TRIM52: variants seen among roughly 807,000 people sequenced by gnomAD.
The protein encoded by TRIM52 is tripartite motif containing 52.
TRIM52 carries 24 observed loss-of-function variants against 27.0 expected under a neutral mutation model. That is an observed-to-expected ratio of 0.89 (90% CI 0.64 to 1.25). The LOEUF (loss-of-function observed/expected upper bound fraction) is 1.25, where lower values mean the gene tolerates loss of function less well. TRIM52 is among the 50% of genes most tolerant of loss of function. The probability of loss-of-function intolerance (pLI) is 0.00; values close to 1 mark genes in which losing one functional copy is unlikely to be tolerated. For synonymous variants in TRIM52, 125 were observed against 126.5 expected, an observed-to-expected ratio of 0.99 and a Z score of 0.08; for missense variants, 351 against 354.7, an observed-to-expected ratio of 0.99 and a Z score of 0.08.
downstream of TRIM52, among the ~76,000 whole-genome samples, chr5:181,254,128 A>G (rs767873633): frequency 5.7e-5 from 8 of 140,098 alleles, no homozygotes; most frequent in Non-Finnish European, 1.2e-4. Context: ...GTCTCTACTA[A>G]AAATACAAAA....
chr5:181,249,324 G>C (rs56946380), downstream of TRIM52, among the ~76,000 whole-genome samples: 15,415 of 151,868 alleles, frequency 0.1, 1,680 homozygotes, highest in African/African-American at 0.27. Flanking sequence ...AAGACCTTAT[G>C]ACTAAGAGGT....
At position 181,256,817 on chromosome 5, in the gene TRIM52, C is replaced by T; in HGVS notation, c.856G>A (p.Gly286Arg). ...TSSVELSESV[G>R]Q The stretch of plus-strand genomic sequence containing the variant: ...CAGTGTTTGGCATGGTGTCACTGCC[C>T]AACACTTTCAGATAACTCAACTGAA... The change falls in exon 2 of 2, where the codon GGG becomes AGG. Residue 286 changes from glycine to arginine, a missense_variant. Coordinates refer to ENST00000688015, the MANE Select transcript of TRIM52 (RefSeq NM_001346048.2). 2.0e-6 allele frequency: 2 copies of T among 985,296 alleles called. No homozygotes were observed. The highest frequency in any genetic ancestry group is 2.4e-6 in the Non-Finnish European group (2 of 829,908). The allele number at this position is 985,296 out of a possible 1,614,324, so 61.0% of individuals were successfully genotyped here.
intron 1 of TRIM52, 140 bp downstream of exon 1, chr5:181,259,861 A>G (rs745934342): frequency 1.6e-5 from 24 of 1,537,336 alleles, no homozygotes; most frequent in Non-Finnish European, 1.8e-5. Flanking sequence ...ATCTCTCTCC[A>G]CCGTGTCTCC....
Position 181,260,970 on chromosome 5 carries a change from AG to A in TRIM52, c.-158del. 1 of 1,153,052 alleles carries A rather than the reference AG, an allele frequency of 8.7e-7. No homozygotes were observed. The highest frequency in any genetic ancestry group is 1.2e-6 in the Non-Finnish European group (1 of 845,328). The allele number at this position is 1,153,052 out of a possible 1,614,324, so 71.4% of individuals were successfully genotyped here. A position where few individuals can be genotyped will look rare whatever the true frequency, so the allele number is the denominator to read the frequency against. Reference sequence around the variant, plus strand: ...CAGGGGAGCTTTGACCCCCTCTCTCAGGGTGCGAACGCCCAGATCCAGACTC... The same window carrying A: ...CAGGGGAGCTTTGACCCCCTCTCTCAGGTGCGAACGCCCAGATCCAGACTC... On this transcript the variant is annotated 5_prime_UTR_variant, in exon 1 of 2. Transcript: ENST00000688015. This position sits in a 1 kb window ranked among gnomAD's most constrained non-coding sequence, Gnocchi z 4.4.
rs759203011 is a variant in TRIM52, at chr5:181,260,342, C to G, written c.472G>C (p.Asp158His). 1.2e-6 allele frequency: 2 copies of G among 1,614,100 alleles called. No individual in the cohort carries two copies. The highest frequency in any genetic ancestry group is 2.2e-5 in the South Asian group (2 of 91,060). The change falls in exon 1 of 2, where the codon GAT becomes CAT. Residue 158 changes from aspartate to histidine, a missense_variant. Transcript: ENST00000688015. The surrounding 1 kb of genome is among the most constrained non-coding windows in gnomAD (Gnocchi z 4.4). ...TACAGCTCTTCATCTTCGTCCTCAT[C>G]GTATGCTTCCAGTATTTCTTCTTCT... ...YREEEILEAY[D>H]EDEDEELYPD...
chr5:181,254,471 G>A (rs1759706245), downstream of TRIM52: 2 of 151,824 alleles, frequency 1.3e-5, no homozygotes, highest in South Asian at 2.1e-4. Context: ...CGCCTCCCGG[G>A]TTCAAGTGAT....
At chr5:181,259,773 A>T in intron 1 of TRIM52, 1 of 858,320 alleles carries the variant, frequency 1.2e-6, no homozygotes, top group Non-Finnish European at 1.7e-6. Flanking sequence ...CCGTCATATT[A>T]TCTGTTCAGC....
At position 181,255,253 on chromosome 5, in the gene TRIM52, T is replaced by G. The variant is rs1173992606; in HGVS notation, c.*1556A>C. On this transcript the variant is annotated 3_prime_UTR_variant, in exon 2 of 2. Transcript: ENST00000688015. ...GTGAAAGGTGCAAGAAAACACAAGCTGCTTTTAATAACACTCTTGCACTGC... is the reference window on the plus strand; with the variant it reads ...GTGAAAGGTGCAAGAAAACACAAGCGGCTTTTAATAACACTCTTGCACTGC... The G allele has an allele frequency of 6.6e-6, 1 of 152,232 alleles. No homozygotes were observed. The highest frequency in any genetic ancestry group is 2.4e-5 in the African/African-American group (1 of 41,456). 9.4% of individuals were successfully genotyped at this position (152,232 alleles called of 1,614,324 possible).
At position 181,260,528 on chromosome 5, in the gene TRIM52, A is replaced by G; in HGVS notation, c.286T>C (p.Phe96Leu). ...AGTTCATCGTCATCTTGGTCTTGGA[A>G]CAACTCTTCGTCAGCATTCCCCCGA... ...LYRGNADEEL[F>L]QDQDDDELWL... The change falls in exon 1 of 2, where the codon TTC (phenylalanine) becomes CTC (leucine). Residue 96 changes from phenylalanine to leucine, a missense_variant. Phe to Leu is a conservative substitution (Grantham distance 22). Coordinates refer to ENST00000688015, the MANE Select transcript of TRIM52 (RefSeq NM_001346048.2). This position sits in a 1 kb window ranked among gnomAD's most constrained non-coding sequence, Gnocchi z 4.4. 6.2e-7 allele frequency: 1 copy of G among 1,613,812 alleles called. No homozygotes were observed. Among genetic ancestry groups the G allele is most frequent in the Non-Finnish European group, 8.5e-7 (1 of 1,179,958 alleles).
intron 1 of TRIM52, chr5:181,257,696 A>C (rs1183985616): frequency 2.8e-6 from 1 of 358,408 alleles, no homozygotes; most frequent in Non-Finnish European, 5.0e-6. Context: ...AACTGCCTAA[A>C]GAATGAAAGA....
At chr5:181,251,021 G>A (rs1347504328), downstream of TRIM52, among the ~76,000 whole-genome samples, 2 of 152,072 alleles carry the variant, frequency 1.3e-5, no homozygotes, top group African/African-American at 4.8e-5. Context: ...TGGGCGTGGT[G>A]GCTCCTGCCT....
chr5:181,257,425 A>G, intron 1 of TRIM52: 1 of 1,612,378 alleles, frequency 6.2e-7, no homozygotes, highest in Non-Finnish European at 8.5e-7. Context: ...TACTGATTAT[A>G]GGCCTTGCTG....
In TRIM52 at chr5:181,261,056, CTGT is replaced by C; in HGVS notation, c.-246_-244del. Reference sequence around the variant, plus strand: ...GGCTGCAGCCCCCAGCTGCTCGGTCCTGTCACGTCTCTCGCTACCCTCAGGGTG... The same window carrying C: ...GGCTGCAGCCCCCAGCTGCTCGGTCCCACGTCTCTCGCTACCCTCAGGGTG... On this transcript the variant is annotated 5_prime_UTR_variant, in exon 1 of 2. Transcript: ENST00000688015. 10 of 525,394 alleles carry C rather than the reference CTGT, an allele frequency of 1.9e-5. No homozygotes were observed. Among genetic ancestry groups the C allele is most frequent in the East Asian group, 1.9e-4 (6 of 32,070 alleles). The allele number at this position is 525,394 out of a possible 1,614,324, so 32.5% of individuals were successfully genotyped here. A position where few individuals can be genotyped will look rare whatever the true frequency, so the allele number is the denominator to read the frequency against.
intron 1 of TRIM52, chr5:181,259,429 T>C (rs1315014252): frequency 5.9e-6 from 1 of 170,840 alleles, no homozygotes; most frequent in Non-Finnish European, 1.3e-5. Flanking sequence ...GCTTATATGC[T>C]TTGCCTTTCT....
In TRIM52 at chr5:181,260,549, C is replaced by T; in HGVS notation, c.265G>A (p.Gly89Arg). The T allele has an allele frequency of 1.2e-6, 2 of 1,614,030 alleles. No homozygotes were observed. Among genetic ancestry groups the T allele is most frequent in the Non-Finnish European group, 1.7e-6 (2 of 1,180,006 alleles). ...TGGAACAACTCTTCGTCAGCATTCC[C>T]CCGATACAACACCTCTCGAATGGAG... ...DGSIREVLYR[G>R]NADEELFQDQ... Residue 89 changes from glycine to arginine, a missense_variant, in exon 1 of 2, where the codon GGG (glycine) becomes AGG (arginine). Coordinates refer to ENST00000688015, the MANE Select transcript of TRIM52 (RefSeq NM_001346048.2). The surrounding 1 kb of genome is among the most constrained non-coding windows in gnomAD (Gnocchi z 4.4).
Position 181,260,027 on chromosome 5 carries a change from A to G in TRIM52, c.787T>C (p.Leu263=), listed in dbSNP as rs749848711. 7 of 1,614,032 alleles carry G rather than the reference A, an allele frequency of 4.3e-6. No individual in the cohort carries two copies. The highest frequency in any genetic ancestry group is 1.7e-6 in the Non-Finnish European group (2 of 1,180,016). Residue 263 remains leucine, a synonymous_variant, in exon 1 of 2, where the codon TTG becomes CTG. Transcript: ENST00000688015. The surrounding 1 kb of genome is among the most constrained non-coding windows in gnomAD (Gnocchi z 4.4). ...RSHKQHSVLP[L]EEVVQEYQKI... ...TGGTACTCCTGCACCACCTCCTCCA[A>G]AGGCAGCACGCTGTGCTGTTTGTGG... is the stretch of plus-strand genomic sequence containing the variant.
At chr5:181,253,811 A>G (rs1759689927), downstream of TRIM52, among the ~76,000 whole-genome samples, 1 of 139,144 alleles carries the variant, frequency 7.2e-6, no homozygotes, top group South Asian at 2.3e-4. Flanking sequence ...AGCCTGGGCA[A>G]TGTAGGGAGA....
At chr5:181,249,704 A>G (rs1373089544), downstream of TRIM52, among the ~76,000 whole-genome samples, 2 of 152,008 alleles carry the variant, frequency 1.3e-5, no homozygotes, top group African/African-American at 2.4e-5. Context: ...TTAAGCACAA[A>G]AAGTTTGGAG....
intron 1 of TRIM52, chr5:181,259,753 C>T (rs757811503): frequency 5.5e-6 from 4 of 721,190 alleles, no homozygotes; most frequent in Non-Finnish European, 8.7e-6. Flanking sequence ...TAGTGGTCCG[C>T]TTCCAGTGAC....
Sources: allele counts gnomAD v4.1 joint callset (sites outside exome capture counted in the v4.1 genomes callset), GRCh38; gene constraint gnomAD v4.1.1; non-coding constraint Gnocchi (gnomAD v3.1); transcripts MANE v1.5; gene names NCBI Gene and HGNC (gene_info 2026-07-23, HGNC 2026-07-21).